Variants in TRIP12 observed in about 807,000 individuals in gnomAD.
The protein encoded by TRIP12 is thyroid hormone receptor interactor 12, also known as E3 ubiquitin-protein ligase TRIP12.
In TRIP12, 25 loss-of-function variants were observed where a neutral mutation model predicts 244.2. The ratio of observed to expected loss-of-function variants is 0.10; its 90% CI spans 0.07 to 0.14. TRIP12 has a LOEUF of 0.14. Ranked by LOEUF, TRIP12 falls within the 10% of genes least tolerant of loss-of-function variation. The pLI, the probability that TRIP12 is intolerant of heterozygous loss-of-function variation, is 1.00. For missense variants in TRIP12, 1,677 were observed against 2,486.4 expected, an observed-to-expected ratio of 0.67 and a Z score of 6.92; for synonymous variants, 905 against 873.1, an observed-to-expected ratio of 1.04 and a Z score of -0.64.
At chr2:229,919,798 T>C (rs2154384070) in intron 1 of TRIP12, among the ~76,000 whole-genome samples, 1 of 152,266 alleles carries the variant, frequency 6.6e-6, no homozygotes. Context: ...GGCAGACATG[T>C]ACAAAGCCCA....
rs1207592534 is a variant in TRIP12, at chr2:229,828,745, C to T, written c.1450+448G>A. Reference sequence around the variant, plus strand: ...TCACGCCACTGCACTCCCGCCTGGACGACAGAGCAAGACTCCATCTCAAAA... The same window carrying T: ...TCACGCCACTGCACTCCCGCCTGGATGACAGAGCAAGACTCCATCTCAAAA... On this transcript the variant is annotated intron_variant, in intron 8 of 41. Transcript: ENST00000675903. Among the ~76,000 whole-genome samples the T allele has an allele frequency of 3.9e-5, 6 of 151,940 alleles. No individual in the cohort carries two copies. In the South Asian group the frequency reaches 8.3e-4, roughly 21 times the overall value.
At chr2:229,777,560 A>C in intron 36 of TRIP12, 81 bp from the exon 37 acceptor site, 2 of 1,391,922 alleles carry the variant, frequency 1.4e-6, no homozygotes, top group Non-Finnish European at 2.0e-6. Flanking sequence ...TCAGGAGATC[A>C]TTTAAATATT....
intron 6 of TRIP12, among the ~76,000 whole-genome samples, chr2:229,832,740 G>A (rs1045108261): frequency 6.6e-6 from 1 of 152,196 alleles, no homozygotes; most frequent in African/African-American, 2.4e-5. Context: ...TGACTTCACA[G>A]GTTGTACCCT....
chr2:229,856,158 T>TA (rs764761037), intron 4 of TRIP12, among the ~76,000 whole-genome samples: 2 of 152,224 alleles, frequency 1.3e-5, no homozygotes, highest in Non-Finnish European at 2.9e-5. Context: ...TCCATTCTCT[T>TA]GTTTCAACAG....
At chr2:229,881,701 G>A (rs1009962847) in intron 1 of TRIP12, among the ~76,000 whole-genome samples, 1 of 152,074 alleles carries the variant, frequency 6.6e-6, no homozygotes, top group Non-Finnish European at 1.5e-5. Flanking sequence ...AAGAGAGGCA[G>A]GCAGAGAGAG....
At chr2:229,871,909 A>G (rs2062670175) in intron 2 of TRIP12, among the ~76,000 whole-genome samples, 1 of 151,994 alleles carries the variant, frequency 6.6e-6, no homozygotes, top group African/African-American at 2.4e-5. Context: ...GCTAGTACTA[A>G]CTAGTACTAG....
chr2:229,798,861 T>TC lies in TRIP12; in HGVS notation c.3482+13dup, dbSNP rs756881869. ...TATGGGAATAGAAGAAACATAAAAC[T>TC]CCCCCCACTTCACCTATTATTGGAG... On this transcript the variant is annotated intron_variant, in intron 23 of 41. Transcript: ENST00000675903. 2.5e-6 allele frequency: 4 copies of TC among 1,609,272 alleles called. No homozygotes were observed. Among genetic ancestry groups the TC allele is most frequent in the Non-Finnish European group, 2.5e-6 (3 of 1,178,646 alleles).
rs375599898 is a variant in TRIP12 at position 229,903,742 on chromosome 2, CG to C, written c.-50+18137del. Among the ~76,000 whole-genome samples the C allele has an allele frequency of 3.0e-3, 452 of 151,986 alleles. 2 individuals are homozygous for C. Among genetic ancestry groups the C allele is most frequent in the African/African-American group, 0.011 (443 of 41,452 alleles). On this transcript the variant is annotated intron_variant, in intron 1 of 41. Coordinates refer to ENST00000675903, the MANE Select transcript of TRIP12 (RefSeq NM_001348323.3). ...TTAAAAACATGGTTTTGGCCAGGCG[CG>C]GTGGCTCATTACCTGTAATCCCAGC...
intron 27 of TRIP12, 39 bp from the exon 28 acceptor site, chr2:229,792,265 T>C (rs749799341): frequency 6.3e-7 from 1 of 1,593,150 alleles, no homozygotes; most frequent in South Asian, 1.1e-5. Flanking sequence ...TTAGCGATTT[T>C]AGGTGTAAAA....
At position 229,846,265 on chromosome 2, in the gene TRIP12, C is replaced by T. The variant is rs2057563231; in HGVS notation, c.1028-5338G>A. On this transcript the variant is annotated intron_variant, in intron 4 of 41. Coordinates refer to ENST00000675903, the MANE Select transcript of TRIP12 (RefSeq NM_001348323.3). ...TGAAATCTTTCGTGGAAGCAAAAGT[C>T]AATCAACGCTGCAAACTTTATCGTT... is the stretch of plus-strand genomic sequence containing the variant. 2.6e-5 allele frequency among the ~76,000 whole-genome samples: 4 copies of T among 151,974 alleles called. No individual in the cohort carries two copies. In the South Asian group the frequency reaches 8.3e-4, roughly 32 times the overall value.
intron 9 of TRIP12, among the ~76,000 whole-genome samples, chr2:229,818,148 CTATT>C (rs1233864768): frequency 1.3e-5 from 2 of 152,070 alleles, no homozygotes; most frequent in Non-Finnish European, 2.9e-5. Flanking sequence ...AAGTGGGTGA[CTATT>C]CATCAAAAAA....
At position 229,777,414 on chromosome 2, in the gene TRIP12, T is replaced by C. The variant is rs1413890896; in HGVS notation, c.5430A>G (p.Ser1810=). 2 of 1,613,858 alleles carry C rather than the reference T, an allele frequency of 1.2e-6. No homozygotes were observed. The highest frequency in any genetic ancestry group is 1.7e-6 in the Non-Finnish European group (2 of 1,179,902). ...WMLRQETSLT[S]HDLFDIDPVV... ...CTGGGTCGATGTCAAACAAATCGTG[T>C]GATGTCAGTGAAGTTTCTTGCCGTA... The change falls in exon 37 of 42, where the codon TCA becomes TCG. Residue 1810 remains serine, a synonymous_variant. Transcript: ENST00000675903.
chr2:229,880,145 TAAAC>T lies in TRIP12; in HGVS notation c.-49-21_-49-18del, dbSNP rs1303018000. On this transcript the variant is annotated intron_variant, in intron 1 of 41. Coordinates refer to ENST00000675903, the MANE Select transcript of TRIP12 (RefSeq NM_001348323.3). The stretch of plus-strand genomic sequence containing the variant: ...TACCATTCACTAAAAGAAAAAAAAA[TAAAC>T]AAAATTTATCAGATGTACAAAATAC... The T allele has an allele frequency of 2.2e-5, 31 of 1,404,934 alleles. No homozygotes were observed. The highest frequency in any genetic ancestry group is 2.6e-5 in the Non-Finnish European group (26 of 1,014,832). 87.0% of individuals were successfully genotyped at this position (1,404,934 alleles called of 1,614,324 possible).
rs60397605 is a variant in TRIP12, at chr2:229,917,380, C to CAAAAAA, written c.-50+4494_-50+4499dup. Among the ~76,000 whole-genome samples the CAAAAAA allele has an allele frequency of 7.5e-3, 220 of 29,264 alleles. 49 individuals are homozygous for CAAAAAA. Among genetic ancestry groups the CAAAAAA allele is most frequent in the East Asian group, 0.039 (23 of 590 alleles). The allele number at this position is 29,264 out of a possible 152,430, so 19.2% of individuals were successfully genotyped here. A position where few individuals can be genotyped will look rare whatever the true frequency, so the allele number is the denominator to read the frequency against. The stretch of plus-strand genomic sequence containing the variant: ...TGGGCAACAGAGCGAGACTCTGTCT[C>CAAAAAA]AAAAAAAAAAAAAAAAAAAAAAAAA... On this transcript the variant is annotated intron_variant, in intron 1 of 41. Transcript: ENST00000675903.
intron 15 of TRIP12, 131 bp downstream of exon 15, chr2:229,810,749 A>G: frequency 1.1e-6 from 1 of 869,572 alleles, no homozygotes; most frequent in South Asian, 1.9e-5. Context: ...ATTACATATT[A>G]ACACTTTTCT....
At chr2:229,771,717 C>A in intron 38 of TRIP12, 85 bp from the exon 39 acceptor site, 1 of 897,602 alleles carries the variant, frequency 1.1e-6, no homozygotes, top group Non-Finnish European at 1.8e-6. Context: ...AGTGAAACAC[C>A]CTTCTGGATC....
intron 1 of TRIP12, among the ~76,000 whole-genome samples, chr2:229,911,354 A>C (rs2074241084): frequency 6.6e-6 from 1 of 152,262 alleles, no homozygotes; most frequent in Non-Finnish European, 1.5e-5. Context: ...AGAAAGCTAA[A>C]TATCATAGCT....
At chr2:229,915,953 C>G (rs895604408) in intron 1 of TRIP12, among the ~76,000 whole-genome samples, 2 of 152,158 alleles carry the variant, frequency 1.3e-5, no homozygotes, top group Admixed American at 1.3e-4. Flanking sequence ...CCTCAGCCTC[C>G]CAAAGTTCTG....
intron 15 of TRIP12, among the ~76,000 whole-genome samples, chr2:229,810,170 G>A (rs1362724789): frequency 2.0e-5 from 3 of 152,190 alleles, no homozygotes; most frequent in Non-Finnish European, 4.4e-5. Context: ...GAACAGCCTA[G>A]GCAATACAGT....
Sources: allele counts gnomAD v4.1 joint callset (sites outside exome capture counted in the v4.1 genomes callset), GRCh38; gene constraint gnomAD v4.1.1; transcripts MANE v1.5; gene names NCBI Gene and HGNC (gene_info 2026-07-23, HGNC 2026-07-21).